Variants in NUP153 observed in about 807,000 individuals in gnomAD.
NUP153 encodes nucleoporin 153, also known as nuclear pore complex protein Nup153.
NUP153 carries 27 observed loss-of-function variants against 134.6 expected under a neutral mutation model. The observed-to-expected ratio is 0.20, with a 90% CI of 0.15 to 0.28. The LOEUF (loss-of-function observed/expected upper bound fraction) is 0.28, where lower values mean the gene tolerates loss of function less well. NUP153 is among the 10% of genes least tolerant of loss of function. The probability of loss-of-function intolerance (pLI) is 1.00; values close to 1 mark genes in which losing one functional copy is unlikely to be tolerated. For synonymous variants in NUP153, 640 were observed against 623.5 expected, an observed-to-expected ratio of 1.03 and a Z score of -0.40; for missense variants, 1,821 against 1,731.3, an observed-to-expected ratio of 1.05 and a Z score of -0.92.
At chr6:17,701,653 T>C (rs1581788996) in intron 1 of NUP153, among the ~76,000 whole-genome samples, 1 of 114,010 alleles carries the variant, frequency 8.8e-6, no homozygotes. Flanking sequence ...AGAACAAGAC[T>C]CCATCTCAAA....
Position 17,642,932 on chromosome 6 carries a change from T to C in NUP153, c.1721-2868A>G, listed in dbSNP as rs112336964. Among the ~76,000 whole-genome samples the C allele has an allele frequency of 1.1e-4, 17 of 152,326 alleles. 1 individual carries two copies. The highest frequency in any genetic ancestry group is 4.1e-4 in the African/African-American group (17 of 41,572). Reference sequence around the variant, plus strand: ...AAGAACTCAGCTGTACGAAGCCACATTGTATGATTCTACTTACATGACATA... The same window carrying C: ...AAGAACTCAGCTGTACGAAGCCACACTGTATGATTCTACTTACATGACATA... On this transcript the variant is annotated intron_variant, in intron 14 of 21. Coordinates refer to ENST00000262077, the MANE Select transcript of NUP153 (RefSeq NM_005124.4).
intron 2 of NUP153, among the ~76,000 whole-genome samples, chr6:17,685,973 C>T (rs577094404): frequency 6.6e-6 from 1 of 152,054 alleles, no homozygotes; most frequent in South Asian, 2.1e-4. Context: ...AGTTTGACCT[C>T]GTCTCCACAA....
intron 14 of NUP153, among the ~76,000 whole-genome samples, chr6:17,645,275 A>C (rs530051870): frequency 6.7e-6 from 1 of 150,226 alleles, no homozygotes; most frequent in Non-Finnish European, 1.5e-5. Context: ...TCTATGTTTT[A>C]ATTCTCTGAT....
chr6:17,681,642 T>C (rs1350605040), intron 2 of NUP153, among the ~76,000 whole-genome samples: 1 of 152,184 alleles, frequency 6.6e-6, no homozygotes, highest in Non-Finnish European at 1.5e-5. Context: ...TCTGCTGGTA[T>C]AGGTATTTAA....
chr6:17,705,375 TC>T (rs1198921539), intron 1 of NUP153, among the ~76,000 whole-genome samples: 1 of 152,222 alleles, frequency 6.6e-6, no homozygotes, highest in Non-Finnish European at 1.5e-5. Context: ...ATTAGGATAA[TC>T]CTTTTTTATA....
At chr6:17,652,939 G>A (rs1412790204) in intron 11 of NUP153, among the ~76,000 whole-genome samples, 1 of 152,164 alleles carries the variant, frequency 6.6e-6, no homozygotes, top group African/African-American at 2.4e-5. Context: ...TGAGGTAGGA[G>A]AATCACTTGA....
In NUP153 at chr6:17,675,927, C is replaced by T. The variant is rs1768198877; in HGVS notation, c.335-157G>A. Among the ~76,000 whole-genome samples the T allele has an allele frequency of 6.6e-6, 1 of 152,138 alleles. No homozygotes were observed. The highest frequency in any genetic ancestry group is 6.6e-5 in the Admixed American group (1 of 15,262). On this transcript the variant is annotated intron_variant, in intron 2 of 21. Coordinates refer to ENST00000262077, the MANE Select transcript of NUP153 (RefSeq NM_005124.4). This position sits in a 1 kb window ranked among gnomAD's most constrained non-coding sequence, Gnocchi z 4.4. ...AAGCCCAATATAACATACTCCTAGG[C>T]AAAACAAAGTTTCAACTAACTAAAA...
At chr6:17,642,461 C>T (rs1294956032) in intron 14 of NUP153, among the ~76,000 whole-genome samples, 1 of 152,072 alleles carries the variant, frequency 6.6e-6, no homozygotes, top group East Asian at 1.9e-4. Flanking sequence ...GAAAAAAATG[C>T]AACATCATTT....
intron 1 of NUP153, among the ~76,000 whole-genome samples, chr6:17,695,500 G>A (rs1769577756): frequency 6.6e-6 from 1 of 152,036 alleles, no homozygotes; most frequent in Non-Finnish European, 1.5e-5. Flanking sequence ...GTATCTTATT[G>A]TCTACCAAAC....
intron 2 of NUP153, among the ~76,000 whole-genome samples, chr6:17,678,892 G>A (rs1768400130): frequency 6.6e-6 from 1 of 150,884 alleles, no homozygotes; most frequent in Admixed American, 6.6e-5. Flanking sequence ...GCTGCAATGA[G>A]CTATGATGGC....
chr6:17,672,399 G>A (rs1286652409), intron 5 of NUP153, among the ~76,000 whole-genome samples: 1 of 151,728 alleles, frequency 6.6e-6, no homozygotes, highest in Non-Finnish European at 1.5e-5. Context: ...GCAACTTAGT[G>A]AGACCCTGTC....
intron 14 of NUP153, among the ~76,000 whole-genome samples, chr6:17,645,269 T>C (rs1332981848): frequency 6.6e-6 from 1 of 151,184 alleles, no homozygotes; most frequent in East Asian, 1.9e-4. Flanking sequence ...AAGAATTCTA[T>C]GTTTTAATTC....
intron 5 of NUP153, among the ~76,000 whole-genome samples, chr6:17,670,439 T>C (rs982656975): frequency 5.3e-5 from 8 of 152,202 alleles, no homozygotes; most frequent in Non-Finnish European, 1.2e-4. Context: ...TTTTTTGTAT[T>C]TTCTTTGGAT....
Position 17,625,934 on chromosome 6 carries a change from T to C in NUP153, c.3775A>G (p.Lys1259Glu). The change falls in exon 19 of 22, where the codon AAA becomes GAA. Residue 1259 changes from lysine (K) to glutamate (E), a missense_variant. Transcript: ENST00000262077. The surrounding 1 kb of genome is among the most constrained non-coding windows in gnomAD (Gnocchi z 4.7). ...CCTGTGCTGGATGTGGTTGCTAGTT[T>C]GCTATCTTGAGAAAATAGCAAAGAC... ...SQSLLFSQDS[K>E]LATTSSTGTA... The C allele has an allele frequency of 6.2e-7, 1 of 1,614,238 alleles. No homozygotes were observed. The highest frequency in any genetic ancestry group is 1.3e-5 in the African/African-American group (1 of 75,068).
chr6:17,650,499 A>G (rs1766445490), intron 11 of NUP153, among the ~76,000 whole-genome samples: 1 of 152,210 alleles, frequency 6.6e-6, no homozygotes, highest in Non-Finnish European at 1.5e-5. Context: ...CAGGGGAGAC[A>G]GAATGAGTTC....
intron 14 of NUP153, 112 bp from the exon 15 acceptor site, chr6:17,640,176 G>T: frequency 1.2e-6 from 1 of 824,108 alleles, no homozygotes; most frequent in Non-Finnish European, 1.7e-6. Flanking sequence ...AAAAGTTCAT[G>T]AAAAAAGTCA....
chr6:17,630,821 AAAGAG>A (rs1765214669), intron 17 of NUP153, among the ~76,000 whole-genome samples: 1 of 151,470 alleles, frequency 6.6e-6, no homozygotes, highest in South Asian at 2.1e-4. Context: ...AGAGAAGAGA[AAAGAG>A]AAGAGAGCAA....
At chr6:17,692,890 T>C (rs1027969691) in intron 1 of NUP153, among the ~76,000 whole-genome samples, 1 of 152,116 alleles carries the variant, frequency 6.6e-6, no homozygotes, top group Non-Finnish European at 1.5e-5. Flanking sequence ...AACAGATGAA[T>C]AAAATTGTGC....
chr6:17,635,625 C>G (rs1336509981), intron 16 of NUP153, among the ~76,000 whole-genome samples: 1 of 152,136 alleles, frequency 6.6e-6, no homozygotes, highest in African/African-American at 2.4e-5. Context: ...TGGTCTTAAA[C>G]TGGGTTCAAG....
Sources: gnomAD v4.1 joint callset for allele counts (sites outside exome capture counted in the v4.1 genomes callset) on GRCh38, gnomAD v4.1.1 for gene constraint, Gnocchi (gnomAD v3.1) non-coding constraint, MANE v1.5 for transcripts, NCBI Gene and HGNC (gene_info 2026-07-23, HGNC 2026-07-21) for gene names.